LRMDA: variants seen among roughly 807,000 people sequenced by gnomAD.
LRMDA encodes the protein leucine-rich melanocyte differentiation-associated protein.
A neutral mutation model predicts 29.8 loss-of-function variants in LRMDA; 18 were observed. That is an observed-to-expected ratio of 0.60 (90% CI 0.42 to 0.90). The LOEUF (loss-of-function observed/expected upper bound fraction) is 0.90, where lower values mean the gene tolerates loss of function less well. Among genes scored for constraint, LRMDA ranks in the 40% least tolerant of loss-of-function variants. LRMDA has a pLI of 0.00. For synonymous variants in LRMDA, 125 were observed against 109.4 expected (o/e 1.14, Z -0.89); for missense variants, 273 against 273.9 (o/e 1.00, Z 0.02).
At chr10:76,449,917 T>C (rs761113455) in intron 6 of LRMDA, among the ~76,000 whole-genome samples, 2 of 152,064 alleles carry the variant, frequency 1.3e-5, no homozygotes, top group African/African-American at 2.4e-5. Flanking sequence ...TTTAAAAATA[T>C]ATGACTTTTC....
intron 2 of LRMDA, among the ~76,000 whole-genome samples, chr10:75,532,028 G>A (rs1178004635): frequency 7.5e-6 from 1 of 133,930 alleles, no homozygotes; most frequent in Non-Finnish European, 1.5e-5. Context: ...TGGCAGATAA[G>A]GGAAGACTCT....
At chr10:76,143,380 C>G (rs1320220021) in intron 5 of LRMDA, among the ~76,000 whole-genome samples, 2 of 151,446 alleles carry the variant, frequency 1.3e-5, no homozygotes, top group Admixed American at 1.3e-4. Flanking sequence ...TAATGATTGC[C>G]ATTCTAACTG....
At chr10:76,045,399 C>G (rs918992654) in intron 3 of LRMDA, among the ~76,000 whole-genome samples, 17 of 147,236 alleles carry the variant, frequency 1.2e-4, no homozygotes, top group South Asian at 4.3e-4. Context: ...TAGTTTCCCC[C>G]TCTCTTGTTA....
chr10:76,276,135 G>A (rs1243994260), intron 5 of LRMDA, among the ~76,000 whole-genome samples: 1 of 148,194 alleles, frequency 6.7e-6, no homozygotes, highest in African/African-American at 2.5e-5. Context: ...CTTTCGTTCT[G>A]TATTTCTGTT....
At chr10:75,923,512 C>T (rs1846061818) in intron 2 of LRMDA, among the ~76,000 whole-genome samples, 1 of 152,154 alleles carries the variant, frequency 6.6e-6, no homozygotes, top group Non-Finnish European at 1.5e-5. Flanking sequence ...GTTATTGGTT[C>T]CAGTCTCATA....
chr10:76,468,219 AAT>A (rs1372928285), intron 6 of LRMDA, among the ~76,000 whole-genome samples: 1 of 152,222 alleles, frequency 6.6e-6, no homozygotes, highest in Non-Finnish European at 1.5e-5. Context: ...TGCTAAATAG[AAT>A]ATATGTCACC....
chr10:75,946,557 G>A (rs924544940), intron 2 of LRMDA, among the ~76,000 whole-genome samples: 52 of 152,094 alleles, frequency 3.4e-4, no homozygotes, highest in Non-Finnish European at 6.3e-4. Context: ...GTGAAAGGTC[G>A]CACAACCTCT....
intron 2 of LRMDA, among the ~76,000 whole-genome samples, chr10:75,829,758 T>G (rs938805178): frequency 1.3e-5 from 2 of 151,948 alleles, no homozygotes; most frequent in East Asian, 1.9e-4. Context: ...AAATTTTGAC[T>G]GGTACCATGT....
intron 6 of LRMDA, among the ~76,000 whole-genome samples, chr10:76,371,280 G>T (rs2132458353): frequency 6.6e-6 from 1 of 152,316 alleles, no homozygotes; most frequent in Non-Finnish European, 1.5e-5. Context: ...CGAGGTAGTG[G>T]TTCTCTTTCT....
At chr10:75,736,995 T>C (rs1186393581) in intron 2 of LRMDA, among the ~76,000 whole-genome samples, 1 of 152,104 alleles carries the variant, frequency 6.6e-6, no homozygotes, top group Non-Finnish European at 1.5e-5. Context: ...TTCCGAATGC[T>C]TAAGGTTTTC....
At position 75,576,888 on chromosome 10, in the gene LRMDA, G is replaced by A. The variant is rs892662393; in HGVS notation, c.131+138394G>A. 3.3e-5 allele frequency among the ~76,000 whole-genome samples: 5 copies of A among 152,302 alleles called. No individual in the cohort carries two copies. The East Asian group carries it at 5.8e-4, about 18-fold the overall frequency. ...TCAAAGACCCCAGCCGAAGGTCACCGACTTCAAAGACCAAAGGTAGATAAA... is the reference window on the plus strand; with the variant it reads ...TCAAAGACCCCAGCCGAAGGTCACCAACTTCAAAGACCAAAGGTAGATAAA... On this transcript the variant is annotated intron_variant, in intron 2 of 6. Transcript: ENST00000611255.
At chr10:75,915,651 A>G (rs1252521688) in intron 2 of LRMDA, among the ~76,000 whole-genome samples, 2 of 152,134 alleles carry the variant, frequency 1.3e-5, no homozygotes, top group Non-Finnish European at 2.9e-5. Context: ...CCATGTCTTC[A>G]TTTCCCAAGT....
intron 2 of LRMDA, among the ~76,000 whole-genome samples, chr10:75,628,312 T>G (rs891495979): frequency 6.6e-6 from 1 of 152,226 alleles, no homozygotes. Context: ...CAACACAACC[T>G]GATGGACACT....
chr10:75,700,035 G>A (rs1167505855), intron 2 of LRMDA, among the ~76,000 whole-genome samples: 2 of 152,160 alleles, frequency 1.3e-5, no homozygotes, highest in Non-Finnish European at 2.9e-5. Flanking sequence ...GTGTGGCCCT[G>A]CTGTCACCTT....
intron 6 of LRMDA, among the ~76,000 whole-genome samples, chr10:76,383,733 CAAT>C (rs1009037004): frequency 2.0e-5 from 3 of 151,914 alleles, no homozygotes; most frequent in African/African-American, 7.3e-5. Context: ...CCCGGCCCAC[CAAT>C]GTCTTTTCTA....
At chr10:76,231,171 A>AAAG (rs1852052223) in intron 5 of LRMDA, among the ~76,000 whole-genome samples, 1 of 152,196 alleles carries the variant, frequency 6.6e-6, no homozygotes, top group Admixed American at 6.5e-5. Flanking sequence ...AGAAAAAGAA[A>AAAG]AAAAAATCAA....
In LRMDA at chr10:75,701,116, T is replaced by C. The variant is rs543907017; in HGVS notation, c.131+262622T>C. Among the ~76,000 whole-genome samples the C allele has an allele frequency of 1.6e-4, 24 of 152,218 alleles. No individual in the cohort carries two copies. The South Asian group carries it at 4.6e-3, about 29-fold the overall frequency. On this transcript the variant is annotated intron_variant, in intron 2 of 6. Transcript: ENST00000611255. ...CTTGGATGTCAGGTAGCAGGTGGCA[T>C]TGGGAAGGGGAGTCCAAGGCCTTTG...
At chr10:76,365,069 TATAC>T (rs1390194249) in intron 6 of LRMDA, among the ~76,000 whole-genome samples, 6 of 53,968 alleles carry the variant, frequency 1.1e-4, no homozygotes, top group African/African-American at 5.7e-4. Flanking sequence ...ATCGTATATA[TATAC>T]ACACACACAC....
At chr10:75,855,912 C>G (rs1432001948) in intron 2 of LRMDA, among the ~76,000 whole-genome samples, 1 of 152,112 alleles carries the variant, frequency 6.6e-6, no homozygotes, top group Non-Finnish European at 1.5e-5. Flanking sequence ...CTGTTCTGTT[C>G]CATTGGCCTA....
Sources: gnomAD v4.1 joint callset for allele counts (sites outside exome capture counted in the v4.1 genomes callset) on GRCh38, gnomAD v4.1.1 for gene constraint, MANE v1.5 for transcripts, NCBI Gene and HGNC (gene_info 2026-07-23, HGNC 2026-07-21) for gene names.